TMEM45A: variants seen among roughly 807,000 people sequenced by gnomAD.
The protein encoded by TMEM45A is transmembrane protein 45A, also known as DNA polymerase-transactivated protein 4.
In TMEM45A, 25 loss-of-function variants were observed where a neutral mutation model predicts 32.0. The observed-to-expected ratio is 0.78, with a 90% CI of 0.57 to 1.09. The LOEUF (loss-of-function observed/expected upper bound fraction) is 1.09, where lower values mean the gene tolerates loss of function less well. TMEM45A is among the 50% of genes least tolerant of loss of function. The pLI, the probability that TMEM45A is intolerant of heterozygous loss-of-function variation, is 0.00. For missense variants in TMEM45A, 302 were observed against 325.0 expected, an observed-to-expected ratio of 0.93 and a Z score of 0.54; for synonymous variants, 122 against 114.8, an observed-to-expected ratio of 1.06 and a Z score of -0.40.
At chr3:100,528,961 T>C (rs958394087) in intron 1 of TMEM45A, among the ~76,000 whole-genome samples, 54 of 152,178 alleles carry the variant, frequency 3.5e-4, no homozygotes, top group African/African-American at 1.3e-3. Flanking sequence ...AAGGGTCAGA[T>C]AGTTTCTGTT....
chr3:100,536,985 G>A (rs1405597366), intron 1 of TMEM45A, among the ~76,000 whole-genome samples: 5 of 152,214 alleles, frequency 3.3e-5, no homozygotes, highest in South Asian at 2.1e-4. Flanking sequence ...GCAATGGCAC[G>A]ATCTCGGCTC....
chr3:100,569,025 C>A, intron 5 of TMEM45A, 58 bp downstream of exon 5: 1 of 1,518,810 alleles, frequency 6.6e-7, no homozygotes, highest in Non-Finnish European at 9.0e-7. Context: ...ATTATCAAGA[C>A]TCAGTGGTAT....
intron 1 of TMEM45A, among the ~76,000 whole-genome samples, chr3:100,510,744 A>C (rs1559635507): frequency 6.6e-6 from 1 of 152,136 alleles, no homozygotes; most frequent in Non-Finnish European, 1.5e-5. Flanking sequence ...AGAAGAATGT[A>C]TAACTAGAAT....
chr3:100,548,986 G>A (rs1050619399), intron 1 of TMEM45A, among the ~76,000 whole-genome samples: 15 of 152,270 alleles, frequency 9.9e-5, no homozygotes, highest in Non-Finnish European at 2.1e-4. Context: ...GCTGGCTCAT[G>A]CCTGTAATCC....
At chr3:100,522,838 G>A (rs1032843301) in intron 1 of TMEM45A, among the ~76,000 whole-genome samples, 12 of 152,178 alleles carry the variant, frequency 7.9e-5, no homozygotes, top group African/African-American at 1.7e-4. Context: ...AAAGTGTCTC[G>A]TCCATAAACA....
intron 1 of TMEM45A, among the ~76,000 whole-genome samples, chr3:100,524,973 G>A (rs1250215529): frequency 4.6e-5 from 7 of 152,122 alleles, no homozygotes; most frequent in Admixed American, 4.6e-4. Context: ...GAGGATCGCT[G>A]TGGCCAGGAG....
chr3:100,553,281 C>G (rs971016896), intron 1 of TMEM45A, among the ~76,000 whole-genome samples: 1 of 152,046 alleles, frequency 6.6e-6, no homozygotes, highest in African/African-American at 2.4e-5. Flanking sequence ...AATTCAAAGC[C>G]CCTTCCCCTA....
chr3:100,571,492 A>T (rs900070430), intron 5 of TMEM45A: 2 of 152,226 alleles, frequency 1.3e-5, no homozygotes, highest in Non-Finnish European at 2.9e-5. Context: ...CCATAAGGTG[A>T]TCTTAATAGC....
chr3:100,522,494 T>C (rs750657820), intron 1 of TMEM45A, among the ~76,000 whole-genome samples: 1 of 152,200 alleles, frequency 6.6e-6, no homozygotes. Context: ...TCAATCTCCT[T>C]GGCCTGTCAA....
intron 1 of TMEM45A, among the ~76,000 whole-genome samples, chr3:100,525,981 G>A (rs6792014): frequency 0.32 from 48,636 of 151,926 alleles, 9,848 homozygotes; most frequent in African/African-American, 0.54. Flanking sequence ...AATAACACTC[G>A]CATTTGTCCC....
At chr3:100,510,560 G>A (rs1007052376) in intron 1 of TMEM45A, among the ~76,000 whole-genome samples, 27 of 152,170 alleles carry the variant, frequency 1.8e-4, no homozygotes, top group Admixed American at 4.6e-4. Flanking sequence ...AAATCAGAGC[G>A]CCTCTCCTCC....
chr3:100,516,439 G>T (rs1708262890), intron 1 of TMEM45A, among the ~76,000 whole-genome samples: 1 of 152,182 alleles, frequency 6.6e-6, no homozygotes, highest in African/African-American at 2.4e-5. Context: ...TGTTCTGATT[G>T]GTTCTCAGAT....
At chr3:100,560,589 T>C (rs954959997) in intron 4 of TMEM45A, among the ~76,000 whole-genome samples, 94 of 152,348 alleles carry the variant, frequency 6.2e-4, no homozygotes, top group African/African-American at 2.2e-3. Flanking sequence ...TTGTAATGTG[T>C]TGAGACTTCC....
At chr3:100,543,531 A>G (rs1705927659) in intron 1 of TMEM45A, among the ~76,000 whole-genome samples, 1 of 152,050 alleles carries the variant, frequency 6.6e-6, no homozygotes, top group African/African-American at 2.4e-5. Flanking sequence ...AGATTTTTTA[A>G]ATTTTGCAAT....
At chr3:100,549,284 C>A (rs9811570) in intron 1 of TMEM45A, among the ~76,000 whole-genome samples, 79,453 of 151,426 alleles carry the variant, frequency 0.52, 22,952 homozygotes, top group African/African-American at 0.78. Context: ...AACAAAAAAA[C>A]CACCAAAACC....
intron 1 of TMEM45A, among the ~76,000 whole-genome samples, chr3:100,520,528 C>T (rs533968481): frequency 5.9e-5 from 9 of 152,284 alleles, no homozygotes; most frequent in African/African-American, 2.2e-4. Context: ...ATACCTTCTG[C>T]TCTGTTATCC....
At chr3:100,497,332 C>A (rs541079965) in intron 1 of TMEM45A, among the ~76,000 whole-genome samples, 2 of 152,296 alleles carry the variant, frequency 1.3e-5, no homozygotes, top group East Asian at 3.9e-4. Flanking sequence ...CCATGGAGAG[C>A]ATTCAGTATA....
At position 100,541,968 on chromosome 3, in the gene TMEM45A, T is replaced by G. The variant is rs1705890235; in HGVS notation, c.-3-13241T>G. ...CAAAGATTAGATGACTGTACATGCA[T>G]GTTTTATTTCTGTGTTCTCTATTTT... On this transcript the variant is annotated intron_variant, in intron 1 of 5. Coordinates refer to ENST00000323523, the MANE Select transcript of TMEM45A (RefSeq NM_018004.3). 2.0e-5 allele frequency among the ~76,000 whole-genome samples: 3 copies of G among 151,954 alleles called. No homozygotes were observed. The South Asian group carries it at 6.2e-4, about 32-fold the overall frequency.
rs906661106 is a variant in TMEM45A, at chr3:100,549,407, A to G, written c.-3-5802A>G. Among the ~76,000 whole-genome samples the G allele has an allele frequency of 2.6e-5, 4 of 152,152 alleles. No individual in the cohort carries two copies. The South Asian group carries it at 8.3e-4, about 32-fold the overall frequency. On this transcript the variant is annotated intron_variant, in intron 1 of 5. Coordinates refer to ENST00000323523, the MANE Select transcript of TMEM45A (RefSeq NM_018004.3). ...TTCCCTTTGTCTTCTGTCTGTCTCC[A>G]TGGCCTGCAAGAGTGGCAATATCCT...
Sources: allele counts gnomAD v4.1 joint callset (sites outside exome capture counted in the v4.1 genomes callset), GRCh38; gene constraint gnomAD v4.1.1; transcripts MANE v1.5; gene names NCBI Gene and HGNC (gene_info 2026-07-23, HGNC 2026-07-21).